MRPS28: variants seen among roughly 807,000 people sequenced by gnomAD.
MRPS28 encodes the protein small ribosomal subunit protein bS1m.
Under a neutral mutation model 10.8 loss-of-function variants are expected in MRPS28, and 7 were observed. That is an observed-to-expected ratio of 0.65 (90% CI 0.37 to 1.22). The LOEUF is 1.22. Among genes scored for constraint, MRPS28 ranks in the 50% most tolerant of loss-of-function variants. MRPS28 has a pLI of 0.02. For missense variants in MRPS28, 265 were observed against 232.9 expected, an observed-to-expected ratio of 1.14 and a Z score of -0.90; for synonymous variants, 121 against 93.3, an observed-to-expected ratio of 1.30 and a Z score of -1.71.
At chr8:79,938,580 A>AAAC (rs944653079) in intron 2 of MRPS28, among the ~76,000 whole-genome samples, 7 of 152,282 alleles carry the variant, frequency 4.6e-5, no homozygotes, top group East Asian at 1.9e-4. Context: ...CCAGATTAAA[A>AAAC]AACAACAACA....
At chr8:80,002,151 T>C (rs1055758784) in intron 2 of MRPS28, among the ~76,000 whole-genome samples, 2 of 152,178 alleles carry the variant, frequency 1.3e-5, no homozygotes, top group Non-Finnish European at 2.9e-5. Flanking sequence ...GTTCTCATAA[T>C]TGCTCTCCTA....
chr8:79,964,731 G>A (rs189418001), intron 2 of MRPS28, among the ~76,000 whole-genome samples: 1 of 152,112 alleles, frequency 6.6e-6, no homozygotes, highest in African/African-American at 2.4e-5. Context: ...TAAAATAAGT[G>A]AATACATGGG....
intron 2 of MRPS28, among the ~76,000 whole-genome samples, chr8:79,988,228 C>T (rs1808250660): frequency 7.5e-6 from 1 of 133,444 alleles, no homozygotes; most frequent in South Asian, 2.3e-4. Context: ...ACAATGAGAA[C>T]ACATGGACAC....
At chr8:80,027,770 T>C (rs1365206073) in intron 1 of MRPS28, among the ~76,000 whole-genome samples, 2 of 152,260 alleles carry the variant, frequency 1.3e-5, no homozygotes, top group African/African-American at 2.4e-5. Flanking sequence ...GGGAATTTTA[T>C]TTCCATTAAA....
chr8:79,966,707 AATTT>A (rs1233488441), intron 2 of MRPS28, among the ~76,000 whole-genome samples: 2 of 152,162 alleles, frequency 1.3e-5, no homozygotes, highest in African/African-American at 2.4e-5. Flanking sequence ...CTTGTGAATT[AATTT>A]ATTTAATTGC....
At chr8:79,989,688 A>G (rs995801058) in intron 2 of MRPS28, among the ~76,000 whole-genome samples, 2 of 152,342 alleles carry the variant, frequency 1.3e-5, no homozygotes, top group South Asian at 4.1e-4. Flanking sequence ...AACTGCAGTG[A>G]TGCTGTTGCC....
intron 2 of MRPS28, among the ~76,000 whole-genome samples, chr8:80,001,383 TCA>T (rs1283693594): frequency 6.6e-6 from 1 of 152,248 alleles, no homozygotes; most frequent in Non-Finnish European, 1.5e-5. Context: ...AACTTTTGTA[TCA>T]CATATCTTCT....
chr8:79,943,569 T>C (rs1806825022), intron 2 of MRPS28, among the ~76,000 whole-genome samples: 1 of 152,188 alleles, frequency 6.6e-6, no homozygotes, highest in Non-Finnish European at 1.5e-5. Flanking sequence ...TGTTATAATG[T>C]TTTCATATTA....
intron 2 of MRPS28, among the ~76,000 whole-genome samples, chr8:79,919,966 G>C (rs974103115): frequency 2.6e-5 from 3 of 116,480 alleles, no homozygotes; most frequent in Non-Finnish European, 4.9e-5. Context: ...ACAGGCCCCG[G>C]TGTGTGATGT....
chr8:79,973,201 G>T lies in MRPS28; in HGVS notation c.395+29798C>A, dbSNP rs540964743. Among the ~76,000 whole-genome samples, 7 of 152,250 alleles carry T rather than the reference G, an allele frequency of 4.6e-5. No individual in the cohort carries two copies. The South Asian group carries it at 1.5e-3, about 32-fold the overall frequency. On this transcript the variant is annotated intron_variant, in intron 2 of 2. Transcript: ENST00000276585. ...AACTGTACATTCTGGATGTCAAGGG[G>T]TTCTGCTTCCATTTACTGGATAAGC...
chr8:80,024,572 T>C (rs1057320490), intron 1 of MRPS28, among the ~76,000 whole-genome samples: 3 of 152,198 alleles, frequency 2.0e-5, no homozygotes, highest in Admixed American at 1.3e-4. Flanking sequence ...GTCTACACTT[T>C]AATGACTATA....
chr8:79,988,839 G>T (rs1808272457), intron 2 of MRPS28, among the ~76,000 whole-genome samples: 1 of 152,108 alleles, frequency 6.6e-6, no homozygotes, highest in South Asian at 2.1e-4. Flanking sequence ...CCTGTTACTT[G>T]TCTTGCTTGA....
chr8:79,935,692 A>G (rs999155604), intron 2 of MRPS28, among the ~76,000 whole-genome samples: 1 of 152,238 alleles, frequency 6.6e-6, no homozygotes, highest in African/African-American at 2.4e-5. Context: ...TCCAAACAAA[A>G]CACTAAAAAA....
intron 1 of MRPS28, among the ~76,000 whole-genome samples, chr8:80,026,593 T>C (rs1417209010): frequency 6.6e-6 from 1 of 152,218 alleles, no homozygotes; most frequent in African/African-American, 2.4e-5. Context: ...GCACTGGAAA[T>C]ACAACAGAAT....
At chr8:79,959,326 G>GA (rs999850543) in intron 2 of MRPS28, among the ~76,000 whole-genome samples, 84 of 150,830 alleles carry the variant, frequency 5.6e-4, no homozygotes, top group Non-Finnish European at 2.8e-4. Context: ...TATAAAATAT[G>GA]AAAAAAAAAT....
At chr8:80,006,811 G>C (rs1221750672) in intron 1 of MRPS28, among the ~76,000 whole-genome samples, 2 of 152,266 alleles carry the variant, frequency 1.3e-5, no homozygotes, top group Non-Finnish European at 2.9e-5. Flanking sequence ...TCCAGGACCA[G>C]ACGGATTCAC....
At chr8:80,013,940 T>C (rs931694041) in intron 1 of MRPS28, among the ~76,000 whole-genome samples, 1 of 152,012 alleles carries the variant, frequency 6.6e-6, no homozygotes, top group African/African-American at 2.4e-5. Flanking sequence ...GATGGTAAAA[T>C]AATAAATTAA....
At chr8:79,982,430 C>T (rs1394511246) in intron 2 of MRPS28, among the ~76,000 whole-genome samples, 2 of 152,204 alleles carry the variant, frequency 1.3e-5, no homozygotes, top group African/African-American at 2.4e-5. Context: ...GTGGTTGCAG[C>T]GCACCGTGCG....
chr8:79,931,576 A>G (rs959078053), intron 2 of MRPS28, among the ~76,000 whole-genome samples: 5 of 152,218 alleles, frequency 3.3e-5, no homozygotes, highest in African/African-American at 1.2e-4. Context: ...AAGAGGAATC[A>G]CCGTAGTTCC....
Sources: allele counts gnomAD v4.1 joint callset (sites outside exome capture counted in the v4.1 genomes callset), GRCh38; gene constraint gnomAD v4.1.1; transcripts MANE v1.5; gene names NCBI Gene and HGNC (gene_info 2026-07-23, HGNC 2026-07-21).